AGBL1: variants seen among roughly 807,000 people sequenced by gnomAD.
AGBL1 encodes AGBL carboxypeptidase 1.
In AGBL1, 130 loss-of-function variants were observed where a neutral mutation model predicts 118.9. That is an observed-to-expected ratio of 1.09 (90% CI 0.95 to 1.26). The LOEUF (loss-of-function observed/expected upper bound fraction) is 1.26, where lower values mean the gene tolerates loss of function less well. Among genes scored for constraint, AGBL1 ranks in the 50% most tolerant of loss-of-function variants. The pLI is 0.00. For missense variants in AGBL1, 1,584 were observed against 1,298.1 expected (o/e 1.22, Z -3.38); for synonymous variants, 555 against 478.9 (o/e 1.16, Z -2.08).
intron 18 of AGBL1, among the ~76,000 whole-genome samples, chr15:86,485,332 A>C (rs1379327572): frequency 6.6e-6 from 1 of 152,186 alleles, no homozygotes; most frequent in Non-Finnish European, 1.5e-5. Flanking sequence ...AAAAGACTTT[A>C]AGAGCCAATA....
At chr15:86,530,297 G>A (rs1292101316) in intron 19 of AGBL1, among the ~76,000 whole-genome samples, 25 of 116,460 alleles carry the variant, frequency 2.1e-4, no homozygotes, top group African/African-American at 1.1e-3. Flanking sequence ...AAAAAAGGCA[G>A]GGGTTGCAAT....
At chr15:86,467,062 C>T (rs1438259228) in intron 18 of AGBL1, among the ~76,000 whole-genome samples, 7 of 152,220 alleles carry the variant, frequency 4.6e-5, no homozygotes. Flanking sequence ...TCTGCTGAAG[C>T]TGCTCCCAGA....
chr15:86,353,906 T>A (rs2080670347), intron 17 of AGBL1, among the ~76,000 whole-genome samples: 2 of 152,218 alleles, frequency 1.3e-5, no homozygotes, highest in South Asian at 4.1e-4. Context: ...GGTGTGGTTA[T>A]AATAAACTTG....
intron 22 of AGBL1, among the ~76,000 whole-genome samples, chr15:86,694,316 T>A (rs1182690091): frequency 6.6e-6 from 1 of 152,084 alleles, no homozygotes; most frequent in Non-Finnish European, 1.5e-5. Context: ...TTCACCTCCT[T>A]GGTTAGATAT....
intron 23 of AGBL1, among the ~76,000 whole-genome samples, chr15:86,929,174 T>C: frequency 6.6e-6 from 1 of 152,184 alleles, no homozygotes; most frequent in African/African-American, 2.4e-5. Context: ...TTTACCACTA[T>C]TCAGTCTCCT....
At chr15:86,098,799 C>CT (rs199743560) in intron 1 of AGBL1, among the ~76,000 whole-genome samples, 9 of 151,394 alleles carry the variant, frequency 5.9e-5, no homozygotes, top group South Asian at 2.1e-4. Context: ...TCTTCAAGCT[C>CT]TTTTTTTTGG....
rs1302809388 is a variant in AGBL1, at chr15:86,908,803, G to C, written c.*1509G>C. 6.6e-6 allele frequency: 1 copy of C among 152,252 alleles called. No individual in the cohort carries two copies. Among genetic ancestry groups the C allele is most frequent in the Non-Finnish European group, 1.5e-5 (1 of 68,068 alleles). 9.4% of individuals were successfully genotyped at this position (152,252 alleles called of 1,614,324 possible). ...ATAGAATACGCTAGGTCAAACTTAG[G>C]CTGTTTTAGATGTCATGTGTATTAG... On this transcript the variant is annotated 3_prime_UTR_variant, in exon 23 of 23. Transcript: ENST00000614907.
chr15:86,816,666 T>C (rs1290108224), intron 22 of AGBL1, among the ~76,000 whole-genome samples: 1 of 151,918 alleles, frequency 6.6e-6, no homozygotes, highest in Non-Finnish European at 1.5e-5. Context: ...TAGAAAGATG[T>C]AGTAAAAAAA....
rs1372160097 is a variant in AGBL1 at position 86,910,635 on chromosome 15, G to A, written c.*3341G>A. On this transcript the variant is annotated 3_prime_UTR_variant, in exon 23 of 23. Transcript: ENST00000614907. ...TTTGCATTCAGGTCAAAGATAATAA[G>A]TGCAGTTTGGGGACATGTTAAATGT... is the stretch of plus-strand genomic sequence containing the variant. 6.6e-6 allele frequency: 1 copy of A among 152,200 alleles called. No homozygotes were observed. The highest frequency in any genetic ancestry group is 1.9e-4 in the East Asian group (1 of 5,194). 9.4% of individuals were successfully genotyped at this position (152,200 alleles called of 1,614,324 possible). A position where few individuals can be genotyped will look rare whatever the true frequency, so the allele number is the denominator to read the frequency against.
intron 5 of AGBL1, among the ~76,000 whole-genome samples, chr15:86,210,592 C>A (rs1290301429): frequency 2.0e-5 from 3 of 152,166 alleles, no homozygotes; most frequent in African/African-American, 7.2e-5. Context: ...ACCCTTTCTT[C>A]CACTTGATCT....
At chr15:86,865,795 A>G (rs535965988) in intron 22 of AGBL1, among the ~76,000 whole-genome samples, 1 of 152,256 alleles carries the variant, frequency 6.6e-6, no homozygotes, top group South Asian at 2.1e-4. Context: ...TGTTTAGCCT[A>G]TCTGTGTTCA....
intron 24 of AGBL1, among the ~76,000 whole-genome samples, chr15:87,002,245 C>A (rs2081447746): frequency 6.6e-6 from 1 of 152,084 alleles, no homozygotes; most frequent in Non-Finnish European, 1.5e-5. Flanking sequence ...AATCCTTCCC[C>A]ATTTCTTGTT....
intron 5 of AGBL1, among the ~76,000 whole-genome samples, chr15:86,217,703 C>T (rs886823486): frequency 4.6e-5 from 7 of 152,134 alleles, no homozygotes; most frequent in Admixed American, 1.3e-4. Context: ...AAGGACAAGC[C>T]ATGGGTACAT....
intron 22 of AGBL1, among the ~76,000 whole-genome samples, chr15:86,832,173 C>T (rs1439910715): frequency 6.6e-6 from 1 of 152,192 alleles, no homozygotes; most frequent in East Asian, 1.9e-4. Flanking sequence ...TCCTAGGCCC[C>T]CAGGTCTGTG....
intron 22 of AGBL1, among the ~76,000 whole-genome samples, chr15:86,855,431 T>C (rs149936061): frequency 6.6e-6 from 1 of 152,248 alleles, no homozygotes; most frequent in Non-Finnish European, 1.5e-5. Flanking sequence ...GTCTTCCTCA[T>C]AGATTTGGGG....
rs868814078 is a variant in AGBL1, at chr15:86,774,583, T to C, written c.3158+100147T>C. Reference sequence around the variant, plus strand: ...GCAATGAGATAATTACTGCAACAGGTAGCTCTCAGGGCAGGAAGCTCTAAG... The same window carrying C: ...GCAATGAGATAATTACTGCAACAGGCAGCTCTCAGGGCAGGAAGCTCTAAG... On this transcript the variant is annotated intron_variant, in intron 22 of 22. Coordinates refer to ENST00000614907, the MANE Select transcript of AGBL1 (RefSeq NM_001386094.1). 1.0e-4 allele frequency among the ~76,000 whole-genome samples: 15 copies of C among 148,856 alleles called. 1 individual carries two copies. In the Middle Eastern group the frequency reaches 0.021, roughly 207 times the overall value.
chr15:86,379,590 C>A (rs2081085625), intron 17 of AGBL1, among the ~76,000 whole-genome samples: 1 of 152,160 alleles, frequency 6.6e-6, no homozygotes, highest in Non-Finnish European at 1.5e-5. Flanking sequence ...TTGCAAAATG[C>A]TTTACATGCA....
intron 22 of AGBL1, among the ~76,000 whole-genome samples, chr15:86,736,129 T>C (rs890343745): frequency 6.6e-6 from 1 of 152,154 alleles, no homozygotes; most frequent in Non-Finnish European, 1.5e-5. Flanking sequence ...TCGCCTATAA[T>C]TCCAGCACTT....
At chr15:86,680,565 C>CTTTTTTTTTTTTTTTTTTTTTTTTTTT (rs34873609) in intron 22 of AGBL1, among the ~76,000 whole-genome samples, 4 of 94,682 alleles carry the variant, frequency 4.2e-5, no homozygotes, top group African/African-American at 8.5e-5. Context: ...TCTTTCTTTT[C>CTTTTTTTTTTTTTTTTTTTTTTTTTTT]TTTTTTTTTT....
Sources: allele counts gnomAD v4.1 joint callset (sites outside exome capture counted in the v4.1 genomes callset), GRCh38; gene constraint gnomAD v4.1.1; transcripts MANE v1.5; gene names NCBI Gene and HGNC (gene_info 2026-07-23, HGNC 2026-07-21).